Variants in PLEKHG1 observed in about 807,000 individuals in gnomAD.
PLEKHG1 encodes the protein pleckstrin homology domain-containing family G member 1.
A neutral mutation model predicts 100.8 loss-of-function variants in PLEKHG1; 44 were observed. The observed-to-expected ratio is 0.44, with a 90% CI of 0.34 to 0.56. PLEKHG1 has a LOEUF of 0.56. Ranked by LOEUF, PLEKHG1 falls within the 20% of genes least tolerant of loss-of-function variation. The pLI, the probability that PLEKHG1 is intolerant of heterozygous loss-of-function variation, is 0.01. For synonymous variants in PLEKHG1, 640 were observed against 662.5 expected, an observed-to-expected ratio of 0.97 and a Z score of 0.52; for missense variants, 1,545 against 1,720.9, an observed-to-expected ratio of 0.90 and a Z score of 1.81.
At chr6:150,749,129 G>T (rs1226023946) in intron 2 of PLEKHG1, among the ~76,000 whole-genome samples, 1 of 152,192 alleles carries the variant, frequency 6.6e-6, no homozygotes, top group East Asian at 1.9e-4. Flanking sequence ...GCAGTGCCGG[G>T]ATGCATCCTA....
chr6:150,680,387 G>A (rs537907837), intron 3 of PLEKHG1, among the ~76,000 whole-genome samples: 2 of 152,340 alleles, frequency 1.3e-5, no homozygotes, highest in Admixed American at 1.3e-4. Context: ...CCTTGGAAGA[G>A]GGTCCAGTTT....
intron 5 of PLEKHG1, among the ~76,000 whole-genome samples, chr6:150,800,249 T>C (rs1417412846): frequency 2.0e-5 from 3 of 152,042 alleles, no homozygotes; most frequent in Admixed American, 6.6e-5. Flanking sequence ...GAGGGGGTGA[T>C]TAAATGCTCT....
In PLEKHG1 at chr6:150,608,525, T is replaced by C. The variant is rs545617517; in HGVS notation, c.-204+8508T>C. On this transcript the variant is annotated intron_variant, in intron 1 of 3. Coordinates refer to the PLEKHG1 transcript ENST00000367326. ...CAGCTAGCAATAACTATTCTAAAAATCTCCCTGGTTTTGGATTACTAATAT... is the reference window on the plus strand; with the variant it reads ...CAGCTAGCAATAACTATTCTAAAAACCTCCCTGGTTTTGGATTACTAATAT... Among the ~76,000 whole-genome samples the C allele has an allele frequency of 3.3e-5, 5 of 152,336 alleles. No homozygotes were observed. The East Asian group carries it at 9.6e-4, about 29-fold the overall frequency.
rs1224407245 is a variant in PLEKHG1, at chr6:150,771,440, T to TGAAC, written c.512+2713_512+2716dup. 4.6e-5 allele frequency among the ~76,000 whole-genome samples: 7 copies of TGAAC among 151,838 alleles called. No individual in the cohort carries two copies. The South Asian group carries it at 6.2e-4, about 14-fold the overall frequency. ...TTGAATGAATGAATGAATGAATGAA[T>TGAAC]GAACGAACGAACGAGTTGGCAAGAA... On this transcript the variant is annotated intron_variant, in intron 3 of 15. Coordinates refer to ENST00000358517, the Ensembl canonical transcript of PLEKHG1.
intron 1 of PLEKHG1, among the ~76,000 whole-genome samples, chr6:150,621,505 GC>G (rs1268662915): frequency 1.3e-5 from 2 of 151,940 alleles, no homozygotes; most frequent in African/African-American, 4.8e-5. Context: ...TTCCCGAGTA[GC>G]TGGAATTACA....
intron 1 of PLEKHG1, among the ~76,000 whole-genome samples, chr6:150,618,796 A>G (rs1011286898): frequency 2.6e-5 from 4 of 152,240 alleles, no homozygotes; most frequent in Admixed American, 2.6e-4. Context: ...AAATGATGGA[A>G]AGGGAAAAAC....
intron 1 of PLEKHG1, among the ~76,000 whole-genome samples, chr6:150,615,970 T>C (rs1261386617): frequency 1.3e-5 from 2 of 152,196 alleles, no homozygotes; most frequent in African/African-American, 4.8e-5. Context: ...ACTTTGAATA[T>C]ATGCAGTTAT....
chr6:150,670,759 T>G (rs1054686458), intron 3 of PLEKHG1, among the ~76,000 whole-genome samples: 7 of 152,186 alleles, frequency 4.6e-5, no homozygotes, highest in African/African-American at 1.7e-4. Context: ...TTATGTTGCT[T>G]CTTTTTCTGT....
chr6:150,777,580 T>C (rs1785057520), intron 3 of PLEKHG1, among the ~76,000 whole-genome samples: 1 of 150,276 alleles, frequency 6.7e-6, no homozygotes, highest in Non-Finnish European at 1.5e-5. Flanking sequence ...ACATGTGCGG[T>C]TGCACATCAG....
intron 3 of PLEKHG1, among the ~76,000 whole-genome samples, chr6:150,700,052 C>A (rs77486585): frequency 6.6e-6 from 1 of 152,074 alleles, no homozygotes; most frequent in Non-Finnish European, 1.5e-5. Flanking sequence ...ATTGGTTTTG[C>A]GCTGGGGAAG....
chr6:150,676,822 A>C (rs1449002697), intron 3 of PLEKHG1, among the ~76,000 whole-genome samples: 1 of 151,794 alleles, frequency 6.6e-6, no homozygotes, highest in African/African-American at 2.4e-5. Context: ...CCTATAACCA[A>C]CTCTCTCCCG....
chr6:150,748,022 G>A (rs920201770), intron 2 of PLEKHG1, among the ~76,000 whole-genome samples: 4 of 151,582 alleles, frequency 2.6e-5, no homozygotes, highest in Admixed American at 6.6e-5. Flanking sequence ...CTGAAATTCC[G>A]CACCCAATAA....
intron 1 of PLEKHG1, among the ~76,000 whole-genome samples, chr6:150,632,784 ATACTT>A (rs1291329318): frequency 3.0e-4 from 46 of 152,382 alleles, no homozygotes; most frequent in African/African-American, 1.0e-3. Flanking sequence ...GTTTTAAAGA[ATACTT>A]TATAAGACCT....
At chr6:150,651,840 T>C (rs553115862) in intron 3 of PLEKHG1, 1 of 152,038 alleles carries the variant, frequency 6.6e-6, no homozygotes, top group East Asian at 1.9e-4. Context: ...GCCTAGGGGA[T>C]AGAGTAAGAC....
intron 14 of PLEKHG1, among the ~76,000 whole-genome samples, chr6:150,826,402 A>G (rs1776611336): frequency 1.3e-5 from 2 of 152,102 alleles, no homozygotes; most frequent in Admixed American, 6.6e-5. Context: ...AGGTTGCAGT[A>G]AGCCGAGATT....
intron 3 of PLEKHG1, among the ~76,000 whole-genome samples, chr6:150,653,520 A>T (rs1778835112): frequency 6.6e-6 from 1 of 152,142 alleles, no homozygotes; most frequent in East Asian, 1.9e-4. Flanking sequence ...AAGCCAGTGG[A>T]TCGCTTGAGC....
upstream of PLEKHG1, among the ~76,000 whole-genome samples, chr6:150,719,812 G>A (rs1781595395): frequency 6.6e-6 from 1 of 152,166 alleles, no homozygotes; most frequent in Non-Finnish European, 1.5e-5. Flanking sequence ...TTCTCAGCAT[G>A]CTGGATTTAC....
chr6:150,677,727 A>G (rs1343058733), intron 3 of PLEKHG1, among the ~76,000 whole-genome samples: 1 of 151,946 alleles, frequency 6.6e-6, no homozygotes, highest in Non-Finnish European at 1.5e-5. Flanking sequence ...GAAAGTTTAA[A>G]TTAGCTGGAC....
At chr6:150,749,996 C>T (rs890002301) in intron 2 of PLEKHG1, among the ~76,000 whole-genome samples, 1 of 150,778 alleles carries the variant, frequency 6.6e-6, no homozygotes, top group Admixed American at 6.6e-5. Flanking sequence ...CGCTTGAAAC[C>T]AGGAGGCTGA....
Sources: gnomAD v4.1 joint callset for allele counts (sites outside exome capture counted in the v4.1 genomes callset) on GRCh38, gnomAD v4.1.1 for gene constraint, MANE v1.5 for transcripts, NCBI Gene and HGNC (gene_info 2026-07-23, HGNC 2026-07-21) for gene names.